The following MYBL2 variants were observed in gnomAD, a reference collection of about 807,000 sequenced individuals.
MYBL2 encodes the protein MYB proto-oncogene like 2, also known as myb-related protein B.
A neutral mutation model predicts 79.9 loss-of-function variants in MYBL2; 28 were observed. That is an observed-to-expected ratio of 0.35 (90% CI 0.26 to 0.48). The LOEUF is 0.48. MYBL2 is among the 20% of genes least tolerant of loss of function. MYBL2 has a pLI of 0.99. For missense variants in MYBL2, 735 were observed against 893.9 expected (o/e 0.82, Z 2.27); for synonymous variants, 378 against 361.2 (o/e 1.05, Z -0.53).
At chr20:43,715,843 C>G in intron 13 of MYBL2, 116 bp from the exon 14 acceptor site, 1 of 1,362,714 alleles carries the variant, frequency 7.3e-7, no homozygotes, top group Non-Finnish European at 9.9e-7. Flanking sequence ...AATAAGAAGG[C>G]TCTGGCTTCT....
At chr20:43,696,035 A>C (rs1182814831) in intron 6 of MYBL2, among the ~76,000 whole-genome samples, 1 of 152,062 alleles carries the variant, frequency 6.6e-6, no homozygotes, top group Non-Finnish European at 1.5e-5. Context: ...AAGAAAAAAA[A>C]CCTCTTAATA....
intron 2 of MYBL2, among the ~76,000 whole-genome samples, chr20:43,677,421 T>G (rs913195735): frequency 2.0e-5 from 3 of 152,184 alleles, no homozygotes; most frequent in Non-Finnish European, 4.4e-5. Context: ...AGGAAACTTA[T>G]GTGGAGAAAG....
At chr20:43,696,608 A>G (rs1181748512) in intron 6 of MYBL2, among the ~76,000 whole-genome samples, 2 of 152,294 alleles carry the variant, frequency 1.3e-5, no homozygotes, top group Non-Finnish European at 2.9e-5. Flanking sequence ...CAGATCTCCA[A>G]CATTCCTGAA....
chr20:43,709,961 AG>A lies in MYBL2; in HGVS notation c.1506del. 6.2e-7 allele frequency: 1 copy of A among 1,603,204 alleles called. No individual in the cohort carries two copies. The highest frequency in any genetic ancestry group is 8.5e-7 in the Non-Finnish European group (1 of 1,174,470). On this transcript the variant is annotated splice_acceptor_variant, in intron 9 of 13. Transcript: ENST00000217026. LOFTEE classifies it high-confidence loss of function. ...TAGTTCCCCCGTTCTGGCCCCTGGC[AG>A]GTTTGTAACCCCAGATCAGAAGTAC...
chr20:43,702,597 G>C lies in MYBL2; in HGVS notation c.1059G>C (p.Gln353His). The C allele has an allele frequency of 6.2e-7, 1 of 1,614,166 alleles. No homozygotes were observed. Among genetic ancestry groups the C allele is most frequent in the African/African-American group, 1.3e-5 (1 of 75,052 alleles). The change falls in exon 8 of 14, where the codon CAG becomes CAC. Residue 353 changes from glutamine (Q) to histidine (H), a missense_variant. Gln to His is a conservative substitution (Grantham distance 24, BLOSUM62 0). Coordinates refer to ENST00000217026, the MANE Select transcript of MYBL2 (RefSeq NM_002466.4). ...SLVQLQASHQ[Q>H]QVLPPRQPSA... ...TGCAGCTGCAAGCGTCACATCAGCA[G>C]CAAGTCCTGCCACCCCGCCAGCCTT...
chr20:43,676,906 ATTGC>A (rs1218153036), intron 2 of MYBL2, among the ~76,000 whole-genome samples: 5 of 145,826 alleles, frequency 3.4e-5, no homozygotes, highest in Admixed American at 2.7e-4. Flanking sequence ...TATTATTTGT[ATTGC>A]TTTTGTTTTT....
chr20:43,704,172 C>T (rs1256785912), intron 8 of MYBL2, among the ~76,000 whole-genome samples: 1 of 152,014 alleles, frequency 6.6e-6, no homozygotes, highest in Admixed American at 6.6e-5. Flanking sequence ...AGCCACCATG[C>T]CCGGCTATTT....
Position 43,709,935 on chromosome 20 carries a change from C to T in MYBL2, c.1506-28C>T, listed in dbSNP as rs113820355. The T allele has an allele frequency of 9.8e-4, 1,539 of 1,564,390 alleles. 3 individuals are homozygous for T. Among genetic ancestry groups the T allele is most frequent in the Non-Finnish European group, 1.2e-3 (1,419 of 1,144,468 alleles). On this transcript the variant is annotated intron_variant, in intron 9 of 13. Coordinates refer to ENST00000217026, the MANE Select transcript of MYBL2 (RefSeq NM_002466.4). ...CCTGGCGTCGGCCCCTATCCTGTCA[C>T]TAGTTCCCCCGTTCTGGCCCCTGGC...
At position 43,674,230 on chromosome 20, in the gene MYBL2, CA is replaced by C. The variant is rs1379574921; in HGVS notation, c.114+332del. ...GTTTGGCCAAATCTGTAACTCCCCC[CA>C]CCCTTTTTTTTTTTTTTTTTTTGAG... On this transcript the variant is annotated intron_variant, in intron 2 of 13. Coordinates refer to ENST00000217026, the MANE Select transcript of MYBL2 (RefSeq NM_002466.4). 7.2e-3 allele frequency among the ~76,000 whole-genome samples: 812 copies of C among 113,222 alleles called. 59 individuals carry two copies. Among genetic ancestry groups the C allele is most frequent in the African/African-American group, 0.024 (772 of 32,670 alleles). The allele number at this position is 113,222 out of a possible 152,430, so 74.3% of individuals were successfully genotyped here.
intron 10 of MYBL2, among the ~76,000 whole-genome samples, chr20:43,710,388 G>A (rs956321033): frequency 1.3e-5 from 2 of 152,246 alleles, no homozygotes; most frequent in Non-Finnish European, 2.9e-5. Flanking sequence ...ATAAGCACTG[G>A]GCCTAGTTCA....
chr20:43,667,860 T>A (rs1986756562), intron 1 of MYBL2, among the ~76,000 whole-genome samples: 1 of 152,158 alleles, frequency 6.6e-6, no homozygotes, highest in East Asian at 1.9e-4. Context: ...CTTTTGTCTC[T>A]CCCACCTGGG....
At chr20:43,689,014 T>G (rs1470724633) in intron 5 of MYBL2, among the ~76,000 whole-genome samples, 1 of 151,986 alleles carries the variant, frequency 6.6e-6, no homozygotes, top group African/African-American at 2.4e-5. Flanking sequence ...AGTCTTGAAC[T>G]CCTGACCTCA....
intron 1 of MYBL2, among the ~76,000 whole-genome samples, chr20:43,668,416 G>T (rs1198921557): frequency 6.6e-6 from 1 of 151,950 alleles, no homozygotes; most frequent in Admixed American, 6.6e-5. Context: ...TAGCCAGGAT[G>T]GTCTCGATCT....
In MYBL2 at chr20:43,716,442, CTT is replaced by C. The variant is rs753382013; in HGVS notation, c.*356_*357del. On this transcript the variant is annotated 3_prime_UTR_variant, in exon 14 of 14. Transcript: ENST00000217026. ...AGGGGTGCTCCTGTGCTCACCCTCTCTTGGTGCATTTTTTTGGAAGAATAAAA... is the reference window on the plus strand; with the variant it reads ...AGGGGTGCTCCTGTGCTCACCCTCTCGGTGCATTTTTTTGGAAGAATAAAA... 1.3e-3 allele frequency: 358 copies of C among 275,398 alleles called. No homozygotes were observed. Among genetic ancestry groups the C allele is most frequent in the South Asian group, 2.4e-3 (40 of 16,528 alleles). 17.1% of individuals were successfully genotyped at this position (275,398 alleles called of 1,614,324 possible).
intron 6 of MYBL2, among the ~76,000 whole-genome samples, chr20:43,699,246 A>G (rs113342678): frequency 0.19 from 28,238 of 151,894 alleles, 3,456 homozygotes; most frequent in Non-Finnish European, 0.28. Context: ...GGGTTTCACC[A>G]TGTTGGCCAG....
At chr20:43,704,291 C>T (rs978846293) in intron 8 of MYBL2, among the ~76,000 whole-genome samples, 3 of 152,196 alleles carry the variant, frequency 2.0e-5, no homozygotes, top group African/African-American at 7.2e-5. Flanking sequence ...GCTGGGATTA[C>T]AGGCGTGAGC....
intron 7 of MYBL2, 114 bp downstream of exon 7, chr20:43,700,158 T>C (rs776640827): frequency 2.4e-5 from 33 of 1,395,976 alleles, no homozygotes; most frequent in Non-Finnish European, 3.0e-5. Context: ...AGTTACTGAC[T>C]TGATGCTGAA....
rs764363258 is a variant in MYBL2 at position 43,702,620 on chromosome 20, C to G, written c.1082C>G (p.Pro361Arg). 1 of 1,614,158 alleles carries G rather than the reference C, an allele frequency of 6.2e-7. No individual in the cohort carries two copies. The change falls in exon 8 of 14, where the codon CCT becomes CGT. Residue 361 changes from proline (P) to arginine (R), a missense_variant. Physicochemically the swap from Pro to Arg is moderately radical, Grantham distance 103 (BLOSUM62 -2). Around this residue, in one of 5 missense-constraint regions of MYBL2, gnomAD observed 243 missense variants for 327.2 expected, o/e 0.74. Coordinates refer to ENST00000217026, the MANE Select transcript of MYBL2 (RefSeq NM_002466.4). ...CAGCAAGTCCTGCCACCCCGCCAGC[C>G]TTCCGCCCTGGTGCCCAGTGTGACC... is the stretch of plus-strand genomic sequence containing the variant. ...HQQQVLPPRQPSALVPSVTEY... is the reference protein window; with the variant it reads ...HQQQVLPPRQRSALVPSVTEY...
chr20:43,674,953 T>C (rs1490914662), intron 2 of MYBL2, among the ~76,000 whole-genome samples: 3 of 152,226 alleles, frequency 2.0e-5, no homozygotes, highest in Non-Finnish European at 4.4e-5. Flanking sequence ...AAATATAATT[T>C]ATATGTAATC....
Sources: gnomAD v4.1 joint callset for allele counts (sites outside exome capture counted in the v4.1 genomes callset) on GRCh38, gnomAD v4.1.1 for gene constraint, gnomAD v4.1.1 regional missense constraint, MANE v1.5 for transcripts, NCBI Gene and HGNC (gene_info 2026-07-23, HGNC 2026-07-21) for gene names.